Variants in MIPOL1 observed in about 807,000 individuals in gnomAD.
MIPOL1 encodes the protein mirror-image polydactyly gene 1 protein.
Under a neutral mutation model 60.9 loss-of-function variants are expected in MIPOL1, and 57 were observed. That is an observed-to-expected ratio of 0.94 (90% CI 0.76 to 1.17). The LOEUF (loss-of-function observed/expected upper bound fraction) is 1.17, where lower values mean the gene tolerates loss of function less well. Among genes scored for constraint, MIPOL1 ranks in the 50% most tolerant of loss-of-function variants. The pLI is 0.00. For synonymous variants in MIPOL1, 179 were observed against 168.8 expected, an observed-to-expected ratio of 1.06 and a Z score of -0.47; for missense variants, 551 against 511.6, an observed-to-expected ratio of 1.08 and a Z score of -0.74.
chr14:37,376,011 T>C (rs2092767356), intron 10 of MIPOL1, among the ~76,000 whole-genome samples: 1 of 152,182 alleles, frequency 6.6e-6, no homozygotes, highest in African/African-American at 2.4e-5. Context: ...TATTTCCTTA[T>C]TCTTATTTTT....
At chr14:37,456,604 T>C (rs2094478968) in intron 11 of MIPOL1, among the ~76,000 whole-genome samples, 1 of 152,176 alleles carries the variant, frequency 6.6e-6, no homozygotes, top group African/African-American at 2.4e-5. Context: ...AACATTACCC[T>C]GCTAAATTAA....
At chr14:37,252,202 TTTTA>T (rs1403101404) in intron 3 of MIPOL1, among the ~76,000 whole-genome samples, 23 of 151,814 alleles carry the variant, frequency 1.5e-4, no homozygotes, top group African/African-American at 5.3e-4. Flanking sequence ...AAGTAGTTAT[TTTTA>T]TTTATGTATT....
At chr14:37,378,010 T>G (rs1011010367) in intron 10 of MIPOL1, among the ~76,000 whole-genome samples, 5 of 152,054 alleles carry the variant, frequency 3.3e-5, no homozygotes, top group African/African-American at 9.7e-5. Flanking sequence ...GTCACACCAA[T>G]TGAATGGCTA....
intron 7 of MIPOL1, among the ~76,000 whole-genome samples, chr14:37,298,310 T>C (rs2085977012): frequency 6.6e-6 from 1 of 152,156 alleles, no homozygotes; most frequent in Non-Finnish European, 1.5e-5. Context: ...TCAAGATGGA[T>C]TAAAGACTTA....
chr14:37,395,832 T>C (rs1334017749), intron 10 of MIPOL1, among the ~76,000 whole-genome samples: 1 of 152,180 alleles, frequency 6.6e-6, no homozygotes, highest in African/African-American at 2.4e-5. Flanking sequence ...TAAGAATAGC[T>C]ACCCCTGCTC....
intron 5 of MIPOL1, 101 bp from the exon 6 acceptor site, chr14:37,270,314 AAATAT>A (rs1470271658): frequency 2.3e-5 from 12 of 515,932 alleles, no homozygotes; most frequent in Non-Finnish European, 3.4e-5. Context: ...CTAGGAAGTT[AAATAT>A]AATATAAGAA....
At chr14:37,434,944 T>TA (rs1488463865) in intron 11 of MIPOL1, among the ~76,000 whole-genome samples, 1 of 151,182 alleles carries the variant, frequency 6.6e-6, no homozygotes, top group African/African-American at 2.4e-5. Flanking sequence ...AGTTGACACA[T>TA]AAAATTAACC....
chr14:37,454,200 C>A lies in MIPOL1; in HGVS notation c.1031+31251C>A, dbSNP rs190493136. 3.3e-5 allele frequency among the ~76,000 whole-genome samples: 5 copies of A among 152,276 alleles called. No homozygotes were observed. The East Asian group carries it at 9.7e-4, about 29-fold the overall frequency. On this transcript the variant is annotated intron_variant, in intron 11 of 12. Transcript: ENST00000684589. ...ACTAGCTCTGCTCATGACCTGTGTG[C>A]CCTCTGACCAGAGCTATGCTCATGG...
chr14:37,317,944 CTTG>C (rs2088107594), intron 9 of MIPOL1, among the ~76,000 whole-genome samples: 1 of 152,116 alleles, frequency 6.6e-6, no homozygotes, highest in Admixed American at 6.6e-5. Flanking sequence ...CAATTTCCTC[CTTG>C]TTGTAACAAG....
At chr14:37,287,067 A>G (rs924308130) in intron 7 of MIPOL1, among the ~76,000 whole-genome samples, 2 of 152,160 alleles carry the variant, frequency 1.3e-5, no homozygotes, top group African/African-American at 2.4e-5. Context: ...TCCTTGCTGT[A>G]TAGCGATGGA....
chr14:37,397,540 G>C (rs376545717), intron 10 of MIPOL1, among the ~76,000 whole-genome samples: 2 of 152,202 alleles, frequency 1.3e-5, no homozygotes, highest in East Asian at 1.9e-4. Context: ...AGTGGTCAGA[G>C]CCCTAAAATT....
At chr14:37,282,435 A>G (rs2084189890) in intron 6 of MIPOL1, among the ~76,000 whole-genome samples, 1 of 151,858 alleles carries the variant, frequency 6.6e-6, no homozygotes, top group Non-Finnish European at 1.5e-5. Context: ...AGATTAATAT[A>G]CAGTTAATCA....
At chr14:37,478,576 C>T (rs1254772519) in intron 11 of MIPOL1, among the ~76,000 whole-genome samples, 2 of 151,922 alleles carry the variant, frequency 1.3e-5, no homozygotes, top group Non-Finnish European at 2.9e-5. Flanking sequence ...CAATAATTAC[C>T]ATGAATTTAA....
chr14:37,552,341 C>T (rs967991304), downstream of MIPOL1: 2 of 152,018 alleles, frequency 1.3e-5, no homozygotes, highest in South Asian at 2.1e-4. Context: ...TAAGAATGAA[C>T]GTATGTGATA....
chr14:37,405,921 A>G (rs550019881), intron 10 of MIPOL1, among the ~76,000 whole-genome samples: 1 of 148,036 alleles, frequency 6.8e-6, no homozygotes, highest in African/African-American at 2.5e-5. Context: ...TTCAGTTTTC[A>G]TGGCTGTTTT....
intron 1 of MIPOL1, among the ~76,000 whole-genome samples, chr14:37,236,348 A>G (rs987434497): frequency 2.0e-5 from 3 of 151,984 alleles, no homozygotes; most frequent in East Asian, 1.9e-4. Context: ...AGCCATTTGT[A>G]TGTCTTCTTT....
At chr14:37,521,885 GA>G (rs71449997) in intron 12 of MIPOL1, among the ~76,000 whole-genome samples, 10,004 of 130,188 alleles carry the variant, frequency 0.077, 482 homozygotes, top group Non-Finnish European at 0.11. Flanking sequence ...TTTATCTAAA[GA>G]AAAAAAAATA....
At chr14:37,215,382 T>C (rs1481118768) in intron 1 of MIPOL1, among the ~76,000 whole-genome samples, 1 of 152,110 alleles carries the variant, frequency 6.6e-6, no homozygotes, top group Non-Finnish European at 1.5e-5. Context: ...TGTGTCTTTT[T>C]TTCTACAATC....
intron 6 of MIPOL1, among the ~76,000 whole-genome samples, chr14:37,281,349 G>T (rs539619016): frequency 6.6e-6 from 1 of 152,232 alleles, no homozygotes; most frequent in South Asian, 2.1e-4. Context: ...GCTCTATCCT[G>T]TTCCATTGGT....
Sources: gnomAD v4.1 joint callset for allele counts (sites outside exome capture counted in the v4.1 genomes callset) on GRCh38, gnomAD v4.1.1 for gene constraint, MANE v1.5 for transcripts, NCBI Gene and HGNC (gene_info 2026-07-23, HGNC 2026-07-21) for gene names.